PNISR: variants seen among roughly 807,000 people sequenced by gnomAD.
PNISR encodes the protein arginine/serine-rich protein PNISR.
Under a neutral mutation model 93.4 loss-of-function variants are expected in PNISR, and 20 were observed. The ratio of observed to expected loss-of-function variants is 0.21; its 90% CI spans 0.15 to 0.31. The LOEUF is 0.31. Among genes scored for constraint, PNISR ranks in the 10% least tolerant of loss-of-function variants. The pLI, the probability that PNISR is intolerant of heterozygous loss-of-function variation, is 1.00. For missense variants in PNISR, 893 were observed against 985.4 expected (o/e 0.91, Z 1.25); for synonymous variants, 305 against 306.5 (o/e 0.99, Z 0.05).
At chr6:99,423,881 G>A (rs1026886497) in intron 1 of PNISR, among the ~76,000 whole-genome samples, 10 of 152,128 alleles carry the variant, frequency 6.6e-5, no homozygotes. Context: ...CTTGGCTTGT[G>A]GATGGTTGTC....
intron 1 of PNISR, chr6:99,424,817 G>C: frequency 6.0e-6 from 1 of 165,766 alleles, no homozygotes; most frequent in Non-Finnish European, 1.3e-5. Context: ...CTGCGCCTGC[G>C]TAGTCAGAGC....
At chr6:99,419,438 A>G (rs1778248661) in intron 1 of PNISR, among the ~76,000 whole-genome samples, 1 of 152,170 alleles carries the variant, frequency 6.6e-6, no homozygotes, top group Non-Finnish European at 1.5e-5. Context: ...AGACTGCTAC[A>G]TACTGGCATG....
At chr6:99,414,763 T>G in intron 2 of PNISR, 73 bp from the exon 3 acceptor site, 1 of 625,050 alleles carries the variant, frequency 1.6e-6, no homozygotes. Context: ...CAGAAATTAT[T>G]ATATGATGAT....
intron 10 of PNISR, 58 bp downstream of exon 10, chr6:99,403,771 G>C: frequency 8.1e-7 from 1 of 1,230,230 alleles, no homozygotes; most frequent in South Asian, 1.2e-5. Flanking sequence ...CACGCAGAGA[G>C]ACAATGTATG....
intron 7 of PNISR, 68 bp downstream of exon 7, chr6:99,408,013 C>G (rs1776373730): frequency 8.8e-7 from 1 of 1,131,170 alleles, no homozygotes; most frequent in African/African-American, 1.6e-5. Context: ...GCTAAAATAT[C>G]TATTTCAGTA....
intron 10 of PNISR, 70 bp from the exon 11 acceptor site, chr6:99,402,780 G>T: frequency 1.7e-6 from 2 of 1,152,364 alleles, no homozygotes; most frequent in Non-Finnish European, 1.2e-6. Context: ...TTCAAGGTCT[G>T]AGAAGAAAGT....
At chr6:99,414,713 TAAA>T in intron 2 of PNISR, 23 bp from the exon 3 acceptor site, 1 of 1,055,774 alleles carries the variant, frequency 9.5e-7, no homozygotes, top group Non-Finnish European at 1.4e-6. Context: ...AAACATAGTT[TAAA>T]AATTATAGTG....
Position 99,408,230 on chromosome 6 carries a change from C to T in PNISR, c.715G>A (p.Gly239Ser). ...RRTLPAWIREGLEKMEREKQK... is the reference protein window; with the variant it reads ...RRTLPAWIRESLEKMEREKQK... ...TTTTCACGTTCCATTTTTTCAAGAC[C>T]TTCGCGAATCCAAGCGGGAAGAGTC... is the stretch of plus-strand genomic sequence containing the variant. Residue 239 changes from glycine (G) to serine (S), a missense_variant, in exon 7 of 12, where the codon GGT becomes AGT. Transcript: ENST00000369239. 1 of 1,613,350 alleles carries T rather than the reference C, an allele frequency of 6.2e-7. No homozygotes were observed. The highest frequency in any genetic ancestry group is 8.5e-7 in the Non-Finnish European group (1 of 1,179,644).
In PNISR at chr6:99,400,529, T is replaced by TA; in HGVS notation, c.*10dup. The TA allele has an allele frequency of 6.3e-7, 1 of 1,586,980 alleles. No individual in the cohort carries two copies. The highest frequency in any genetic ancestry group is 8.5e-7 in the Non-Finnish European group (1 of 1,172,402). On this transcript the variant is annotated 3_prime_UTR_variant, in exon 12 of 12. Transcript: ENST00000369239. ...TTTTTAAAAATCAGACAAAATACTT[T>TA]AAAAAGTATACTACCTTGATCGGGA...
chr6:99,404,121 C>A (rs1775847248), intron 9 of PNISR: 2 of 486,396 alleles, frequency 4.1e-6, no homozygotes, highest in Admixed American at 3.9e-5. Flanking sequence ...ATCTGTATGT[C>A]TACTTCTGAG....
At chr6:99,409,593 G>A in intron 5 of PNISR, 1 of 341,806 alleles carries the variant, frequency 2.9e-6, no homozygotes, top group Non-Finnish European at 5.3e-6. Context: ...AGAAGTATAT[G>A]AAATTTTTCA....
rs370114825 is a variant in PNISR, at chr6:99,408,168, T to C, written c.777A>G (p.Gln259=). The C allele has an allele frequency of 1.9e-6, 3 of 1,613,692 alleles. No homozygotes were observed. Among genetic ancestry groups the C allele is most frequent in the Admixed American group, 1.7e-5 (1 of 59,988 alleles). Residue 259 remains glutamine, a synonymous_variant, in exon 7 of 12, where the codon CAA becomes CAG. Coordinates refer to ENST00000369239, the MANE Select transcript of PNISR (RefSeq NM_032870.4). Reference sequence around the variant, plus strand: ...TTTCTTTTTTGGACAATTGTGAACGTTGTTGTTCCATTCTTTCTTTCTCCA... The same window carrying C: ...TTTCTTTTTTGGACAATTGTGAACGCTGTTGTTCCATTCTTTCTTTCTCCA... ...KKLEKERMEQ[Q]RSQLSKKEKK...
intron 6 of PNISR, 133 bp from the exon 7 acceptor site, chr6:99,408,404 A>T: frequency 6.4e-6 from 4 of 626,852 alleles, no homozygotes; most frequent in Non-Finnish European, 8.4e-6. Flanking sequence ...AACAGCAGGG[A>T]CCACTGCTCT....
rs1432810353 is a variant in PNISR at position 99,420,480 on chromosome 6, T to C, written c.-111-4052A>G. Among the ~76,000 whole-genome samples, 3 of 152,230 alleles carry C rather than the reference T, an allele frequency of 2.0e-5. No individual in the cohort carries two copies. In the East Asian group the frequency reaches 5.8e-4, roughly 29 times the overall value. Reference sequence around the variant, plus strand: ...CATTAACTATTGTTTAATTAAACAGTAAGATTACTAGTGATTTTATGGCAA... The same window carrying C: ...CATTAACTATTGTTTAATTAAACAGCAAGATTACTAGTGATTTTATGGCAA... On this transcript the variant is annotated intron_variant, in intron 1 of 11. Coordinates refer to ENST00000369239, the MANE Select transcript of PNISR (RefSeq NM_032870.4).
At chr6:99,422,876 C>CAAAAAAA (rs58924048) in intron 1 of PNISR, among the ~76,000 whole-genome samples, 8 of 94,950 alleles carry the variant, frequency 8.4e-5, no homozygotes, top group Admixed American at 1.3e-4. Context: ...CACTCTGTCT[C>CAAAAAAA]AAAAAAAAAA....
intron 8 of PNISR, 57 bp from the exon 9 acceptor site, chr6:99,404,759 C>T: frequency 2.4e-6 from 2 of 850,932 alleles, no homozygotes; most frequent in Non-Finnish European, 3.9e-6. Context: ...AATAGTGTGA[C>T]ATCTTCAAAA....
intron 1 of PNISR, 132 bp from the exon 2 acceptor site, chr6:99,416,560 A>T (rs1777729200): frequency 2.5e-6 from 1 of 394,056 alleles, no homozygotes; most frequent in Non-Finnish European, 4.5e-6. Flanking sequence ...TATAATGGGG[A>T]ATTATTTTAT....
intron 8 of PNISR, among the ~76,000 whole-genome samples, chr6:99,405,012 C>A (rs1775979690): frequency 6.6e-6 from 1 of 152,144 alleles, no homozygotes; most frequent in Admixed American, 6.5e-5. Flanking sequence ...CTCCTGATCT[C>A]AAGTGATCTG....
At chr6:99,402,839 G>A in intron 10 of PNISR, 129 bp from the exon 11 acceptor site, 1 of 629,584 alleles carries the variant, frequency 1.6e-6, no homozygotes, top group Non-Finnish European at 2.6e-6. Context: ...CTTATTCGGG[G>A]TGGGGAGAAG....
Sources: allele counts gnomAD v4.1 joint callset (sites outside exome capture counted in the v4.1 genomes callset), GRCh38; gene constraint gnomAD v4.1.1; transcripts MANE v1.5; gene names NCBI Gene and HGNC (gene_info 2026-07-23, HGNC 2026-07-21).